Variants in MIR2052HG observed in about 807,000 individuals in gnomAD.
The protein encoded by MIR2052HG is MIR2052 host gene.
At chr8:74,644,654 G>A (rs531564307) in intron 2 of MIR2052HG, among the ~76,000 whole-genome samples, 5 of 152,102 alleles carry the variant, frequency 3.3e-5, no homozygotes, top group Non-Finnish European at 7.4e-5. Context: ...ACTTTGGGGG[G>A]CTGAGGCAGG....
intron 2 of MIR2052HG, among the ~76,000 whole-genome samples, chr8:74,692,914 T>C (rs1809254201): frequency 6.6e-6 from 1 of 152,210 alleles, no homozygotes; most frequent in Non-Finnish European, 1.5e-5. Flanking sequence ...TTTTTCTTTC[T>C]CGGGGTATGA....
At chr8:74,692,750 T>C (rs1809251914) in intron 2 of MIR2052HG, among the ~76,000 whole-genome samples, 1 of 152,236 alleles carries the variant, frequency 6.6e-6, no homozygotes, top group African/African-American at 2.4e-5. Context: ...GCATTAAAGT[T>C]CAGGTTAACA....
chr8:74,647,077 A>C (rs764950174), intron 2 of MIR2052HG, among the ~76,000 whole-genome samples: 4 of 152,150 alleles, frequency 2.6e-5, no homozygotes, highest in Admixed American at 6.5e-5. Context: ...ACAAAAGTTC[A>C]CCTAACCTTA....
intron 2 of MIR2052HG, among the ~76,000 whole-genome samples, chr8:74,633,048 C>A (rs758761039): frequency 6.6e-6 from 1 of 152,010 alleles, no homozygotes; most frequent in African/African-American, 2.4e-5. Flanking sequence ...GAGACAGGGT[C>A]TTGCTTTGTT....
intron 2 of MIR2052HG, among the ~76,000 whole-genome samples, chr8:74,635,255 T>A (rs1384165096): frequency 6.6e-6 from 1 of 151,482 alleles, no homozygotes; most frequent in Admixed American, 6.6e-5. Context: ...TTTTTTTTTT[T>A]ACCGTCAGGA....
At chr8:74,647,561 T>C (rs1336158520) in intron 2 of MIR2052HG, among the ~76,000 whole-genome samples, 2 of 152,230 alleles carry the variant, frequency 1.3e-5, no homozygotes, top group Non-Finnish European at 2.9e-5. Flanking sequence ...GTTTTAAGCA[T>C]TTAGTCCTAA....
At chr8:74,656,338 C>T (rs768954295) in intron 2 of MIR2052HG, among the ~76,000 whole-genome samples, 1 of 152,026 alleles carries the variant, frequency 6.6e-6, no homozygotes, top group Non-Finnish European at 1.5e-5. Flanking sequence ...TTGGCTGTGT[C>T]CCCACCCAAA....
intron 2 of MIR2052HG, among the ~76,000 whole-genome samples, chr8:74,660,489 G>T (rs1159252148): frequency 1.3e-5 from 2 of 152,166 alleles, no homozygotes; most frequent in African/African-American, 4.8e-5. Context: ...GCTTCAGTGT[G>T]CTAAACACAT....
intron 4 of MIR2052HG, among the ~76,000 whole-genome samples, chr8:74,716,179 G>A (rs567858569): frequency 6.6e-6 from 1 of 152,246 alleles, no homozygotes; most frequent in Admixed American, 6.5e-5. Context: ...GAGGAAGCTG[G>A]TGTAGTCTCC....
intron 2 of MIR2052HG, among the ~76,000 whole-genome samples, chr8:74,661,554 G>A (rs1265227164): frequency 1.3e-5 from 2 of 152,120 alleles, no homozygotes; most frequent in Admixed American, 6.5e-5. Flanking sequence ...CAGGGCCACT[G>A]GGCATGGCTG....
intron 2 of MIR2052HG, among the ~76,000 whole-genome samples, chr8:74,649,687 CT>C (rs1272173870): frequency 6.6e-6 from 1 of 152,050 alleles, no homozygotes; most frequent in East Asian, 1.9e-4. Context: ...AAAATCTACA[CT>C]TTTACCTATT....
At chr8:74,673,429 T>C (rs1453903015) in intron 2 of MIR2052HG, among the ~76,000 whole-genome samples, 26 of 152,182 alleles carry the variant, frequency 1.7e-4, no homozygotes, top group Non-Finnish European at 1.0e-4. Flanking sequence ...TCTACTGATA[T>C]TCTCTCCCAC....
At chr8:74,697,815 A>G (rs1332685678) in intron 2 of MIR2052HG, among the ~76,000 whole-genome samples, 7 of 152,188 alleles carry the variant, frequency 4.6e-5, no homozygotes, top group Admixed American at 4.6e-4. Context: ...AAAGACCTCT[A>G]CAAGGAAAGC....
At chr8:74,609,017 GA>G (rs1292464575) in intron 1 of MIR2052HG, among the ~76,000 whole-genome samples, 1 of 151,764 alleles carries the variant, frequency 6.6e-6, no homozygotes, top group Admixed American at 6.6e-5. Flanking sequence ...AAAAACAAAA[GA>G]ATTTTTAAGA....
chr8:74,699,347 TGGAAC>T (rs961784493), intron 2 of MIR2052HG, among the ~76,000 whole-genome samples: 1 of 151,884 alleles, frequency 6.6e-6, no homozygotes, highest in Non-Finnish European at 1.5e-5. Context: ...TGCAAAAACA[TGGAAC>T]CATCCCAAAT....
intron 2 of MIR2052HG, among the ~76,000 whole-genome samples, chr8:74,684,587 A>G (rs1025789872): frequency 3.3e-5 from 5 of 152,108 alleles, no homozygotes; most frequent in African/African-American, 9.7e-5. Flanking sequence ...GTCCCCCTGA[A>G]TATTATATGT....
In MIR2052HG at chr8:74,722,553, C is replaced by G. The variant is rs150982177; in HGVS notation, n.371+18871C>G. 1.1e-3 allele frequency among the ~76,000 whole-genome samples: 163 copies of G among 152,150 alleles called. 1 individual carries two copies. Among genetic ancestry groups the G allele is most frequent in the African/African-American group, 3.6e-3 (148 of 41,534 alleles). ...CTCTTCTGATATAACCTTGCTTTCT[C>G]TTTTTCATAGAAATATTTTTGGGTT... is the stretch of plus-strand genomic sequence containing the variant. On this transcript the variant is annotated intron_variant and non_coding_transcript_variant, in intron 4 of 6. Transcript: ENST00000523442.
Position 74,669,202 on chromosome 8 carries a change from G to A in MIR2052HG, n.217-33177G>A, listed in dbSNP as rs192846428. Among the ~76,000 whole-genome samples, 106 of 152,200 alleles carry A rather than the reference G, an allele frequency of 7.0e-4. 2 individuals carry two copies. The East Asian group carries it at 8.1e-3, about 12-fold the overall frequency. On this transcript the variant is annotated intron_variant and non_coding_transcript_variant, in intron 2 of 6. Transcript: ENST00000523442. ...TACTTGTATCAGAACTACACTGCTC[G>A]ATGAATATCACTGCCAGTCATCTAG...
chr8:74,728,227 GCAGT>G (rs1394848204), intron 4 of MIR2052HG, among the ~76,000 whole-genome samples: 3 of 152,170 alleles, frequency 2.0e-5, no homozygotes, highest in African/African-American at 7.2e-5. Flanking sequence ...GTGAATTGAG[GCAGT>G]CAGTTACTTT....
Sources: gnomAD v4.1 joint callset for allele counts (sites outside exome capture counted in the v4.1 genomes callset) on GRCh38, gnomAD v4.1.1 for gene constraint, MANE v1.5 for transcripts, NCBI Gene and HGNC (gene_info 2026-07-23, HGNC 2026-07-21) for gene names.